Variants in NRCAM observed in about 807,000 individuals in gnomAD.
NRCAM encodes NgCAM-related cell adhesion molecule.
NRCAM carries 83 observed loss-of-function variants against 156.5 expected under a neutral mutation model. The ratio of observed to expected loss-of-function variants is 0.53; its 90% CI spans 0.44 to 0.64. The LOEUF (loss-of-function observed/expected upper bound fraction) is 0.64. NRCAM is among the 30% of genes least tolerant of loss of function. NRCAM has a pLI of 0.00. For synonymous variants in NRCAM, 538 were observed against 563.9 expected (o/e 0.95, Z 0.65); for missense variants, 1,417 against 1,597.3 (o/e 0.89, Z 1.92).
At chr7:108,224,739 T>C (rs17155202) in intron 10 of NRCAM, among the ~76,000 whole-genome samples, 4,760 of 152,264 alleles carry the variant, frequency 0.031, 227 homozygotes, top group African/African-American at 0.11. Flanking sequence ...CCAGAAGATA[T>C]ATTACTTGAG....
chr7:108,171,264 C>T (rs578188264), intron 28 of NRCAM, among the ~76,000 whole-genome samples: 81 of 111,912 alleles, frequency 7.2e-4, no homozygotes, highest in African/African-American at 1.3e-3. Context: ...TACATTTTAG[C>T]TGCTGAAACT....
chr7:108,288,899 A>G (rs184326985), intron 3 of NRCAM, among the ~76,000 whole-genome samples: 36 of 152,244 alleles, frequency 2.4e-4, no homozygotes, highest in Admixed American at 2.2e-3. Context: ...GCTAACGGTT[A>G]TGATTTAGAC....
At chr7:108,187,780 T>A (rs2068003541) in intron 20 of NRCAM, among the ~76,000 whole-genome samples, 1 of 151,236 alleles carries the variant, frequency 6.6e-6, no homozygotes, top group African/African-American at 2.4e-5. Flanking sequence ...CAAAACCCCA[T>A]CTCTACTAAA....
At chr7:108,361,883 C>T (rs554794039) in intron 2 of NRCAM, among the ~76,000 whole-genome samples, 4 of 137,860 alleles carry the variant, frequency 2.9e-5, no homozygotes, top group Non-Finnish European at 3.2e-5. Flanking sequence ...TATATTTATA[C>T]CTCCTATTGG....
intron 3 of NRCAM, among the ~76,000 whole-genome samples, chr7:108,271,506 T>A (rs1230901680): frequency 6.6e-6 from 1 of 152,068 alleles, no homozygotes; most frequent in Admixed American, 6.5e-5. Flanking sequence ...GAGACCAGCC[T>A]AGCCAACATG....
At chr7:108,342,991 T>G (rs2080490) in intron 2 of NRCAM, among the ~76,000 whole-genome samples, 87,854 of 152,042 alleles carry the variant, frequency 0.58, 25,920 homozygotes, top group East Asian at 0.83. Flanking sequence ...AGAAAAGATA[T>G]AACATAACTG....
intron 2 of NRCAM, among the ~76,000 whole-genome samples, chr7:108,373,138 A>C (rs2099639921): frequency 6.6e-6 from 1 of 152,202 alleles, no homozygotes; most frequent in Non-Finnish European, 1.5e-5. Flanking sequence ...GGAGGTATCT[A>C]AAATAGTCAA....
At chr7:108,273,453 G>C (rs1381130943) in intron 3 of NRCAM, among the ~76,000 whole-genome samples, 1 of 152,204 alleles carries the variant, frequency 6.6e-6, no homozygotes, top group African/African-American at 2.4e-5. Flanking sequence ...ACTGGTGTGA[G>C]ATGGTATCTC....
At chr7:108,258,293 T>C (rs1199409407) in intron 3 of NRCAM, among the ~76,000 whole-genome samples, 1 of 152,190 alleles carries the variant, frequency 6.6e-6, no homozygotes, top group African/African-American at 2.4e-5. Context: ...TCTTAATTAT[T>C]CCTCCTGCCC....
At chr7:108,193,904 T>C (rs2153459240) in intron 17 of NRCAM, 120 bp downstream of exon 17, 1 of 937,986 alleles carries the variant, frequency 1.1e-6, no homozygotes, top group African/African-American at 1.7e-5. Context: ...CTCTCTATTT[T>C]GGAGACAGCA....
In NRCAM at chr7:108,194,354, G is replaced by C; in HGVS notation, c.1538C>G (p.Pro513Arg). 3.1e-6 allele frequency: 5 copies of C among 1,613,546 alleles called. No individual in the cohort carries two copies. The highest frequency in any genetic ancestry group is 4.2e-6 in the Non-Finnish European group (5 of 1,179,626). ...TCCTGTACTGTCCTTTTGGGCCACA[G>C]GAATTTCCAAAGTTCCATTTTCATG... Reference protein sequence around the residue: ...VLHENGTLEIPVAQKDSTGTY... With the variant: ...VLHENGTLEIRVAQKDSTGTY... Residue 513 changes from proline to arginine, a missense_variant, in exon 16 of 33, where the codon CCT becomes CGT. Transcript: ENST00000379028.
intron 3 of NRCAM, among the ~76,000 whole-genome samples, chr7:108,251,558 C>T (rs1224811140): frequency 6.6e-6 from 1 of 152,166 alleles, no homozygotes; most frequent in Non-Finnish European, 1.5e-5. Flanking sequence ...GATGCCAGCA[C>T]AGAGGGAAAA....
At chr7:108,167,214 T>C (rs1336721729) in intron 29 of NRCAM, 141 bp from the exon 30 acceptor site, 3 of 626,568 alleles carry the variant, frequency 4.8e-6, no homozygotes, top group Non-Finnish European at 5.5e-6. Context: ...TTATTATAAA[T>C]GTAGTCATGT....
chr7:108,422,300 G>A (rs1413732171), intron 1 of NRCAM, among the ~76,000 whole-genome samples: 3 of 152,106 alleles, frequency 2.0e-5, no homozygotes, highest in East Asian at 1.9e-4. Flanking sequence ...AGGCAGTGCA[G>A]TAAACACTTT....
chr7:108,154,256 G>C (rs908871633), intron 32 of NRCAM, among the ~76,000 whole-genome samples: 1 of 152,064 alleles, frequency 6.6e-6, no homozygotes, highest in Non-Finnish European at 1.5e-5. Flanking sequence ...TCTTGAAACT[G>C]GTGGAAGATC....
At chr7:108,198,930 G>C (rs1034648161) in intron 13 of NRCAM, among the ~76,000 whole-genome samples, 1 of 152,128 alleles carries the variant, frequency 6.6e-6, no homozygotes, top group Admixed American at 6.6e-5. Flanking sequence ...ATTTAGTCCC[G>C]GGCATGCCCA....
chr7:108,213,311 C>A (rs1388973289), intron 11 of NRCAM, among the ~76,000 whole-genome samples: 3 of 152,118 alleles, frequency 2.0e-5, no homozygotes, highest in African/African-American at 7.2e-5. Flanking sequence ...ATAAATCACA[C>A]AGGACCTATA....
At chr7:108,445,477 T>C (rs1334905293) in intron 1 of NRCAM, among the ~76,000 whole-genome samples, 1 of 152,210 alleles carries the variant, frequency 6.6e-6, no homozygotes, top group Non-Finnish European at 1.5e-5. Flanking sequence ...TACATACGTA[T>C]GCCTCAAGCA....
At chr7:108,230,730 T>C (rs946775122) in intron 8 of NRCAM, among the ~76,000 whole-genome samples, 2 of 152,084 alleles carry the variant, frequency 1.3e-5, no homozygotes, top group South Asian at 4.1e-4. Flanking sequence ...CTCTGCTTTT[T>C]TTTTTTCATA....
Sources: allele counts gnomAD v4.1 joint callset (sites outside exome capture counted in the v4.1 genomes callset), GRCh38; gene constraint gnomAD v4.1.1; transcripts MANE v1.5; gene names NCBI Gene and HGNC (gene_info 2026-07-23, HGNC 2026-07-21).